Variants in AEBP2 observed in about 807,000 individuals in gnomAD.
AEBP2 encodes the protein AE binding protein 2, also known as zinc finger protein AEBP2.
AEBP2 carries 10 observed loss-of-function variants against 50.8 expected under a neutral mutation model. The observed-to-expected ratio is 0.20, with a 90% CI of 0.12 to 0.33. The LOEUF (loss-of-function observed/expected upper bound fraction) is 0.33, where lower values mean the gene tolerates loss of function less well. Among genes scored for constraint, AEBP2 ranks in the 10% least tolerant of loss-of-function variants. AEBP2 has a pLI of 1.00. For missense variants in AEBP2, 570 were observed against 688.0 expected (o/e 0.83, Z 1.92); for synonymous variants, 296 against 261.3 (o/e 1.13, Z -1.28).
chr12:19,456,409 G>T, intron 1 of AEBP2: 3 of 1,383,068 alleles, frequency 2.2e-6, no homozygotes, highest in Non-Finnish European at 2.0e-6. Context: ...ACACACACGG[G>T]CTTGCCAGGA....
upstream of AEBP2, among the ~76,000 whole-genome samples, chr12:19,437,082 T>C (rs369631050): frequency 1.6e-4 from 25 of 152,352 alleles, no homozygotes; most frequent in East Asian, 1.7e-3. Flanking sequence ...GCCTTCTCAT[T>C]TGAAGACTCT....
At chr12:19,418,019 A>T (rs999956523) in intron 1 of AEBP2, among the ~76,000 whole-genome samples, 6 of 152,084 alleles carry the variant, frequency 3.9e-5, no homozygotes, top group African/African-American at 1.4e-4. Context: ...CTCTATTAAC[A>T]CAACTAGATC....
At chr12:19,440,749 T>G in intron 1 of AEBP2, 1 of 1,533,586 alleles carries the variant, frequency 6.5e-7, no homozygotes, top group Non-Finnish European at 8.7e-7. Flanking sequence ...CCAACCGTGT[T>G]CGGGAACACT....
intron 5 of AEBP2, among the ~76,000 whole-genome samples, chr12:19,505,919 G>C (rs1356004796): frequency 6.6e-6 from 1 of 151,558 alleles, no homozygotes; most frequent in Non-Finnish European, 1.5e-5. Flanking sequence ...TGGTCTGTAG[G>C]AGCACACCAC....
In AEBP2 at chr12:19,420,791, G is replaced by C. The variant is rs192382173; in HGVS notation, c.-17+16575G>C. ...TGATTGACCTTCCTGGCAAAATGCTGACACTGGGGCAATCCAGTAACCCTG... is the reference window on the plus strand; with the variant it reads ...TGATTGACCTTCCTGGCAAAATGCTCACACTGGGGCAATCCAGTAACCCTG... On this transcript the variant is annotated intron_variant, in intron 1 of 3. Transcript: ENST00000538425. Among the ~76,000 whole-genome samples, 9 of 152,092 alleles carry C rather than the reference G, an allele frequency of 5.9e-5. 1 individual carries two copies. The highest frequency in any genetic ancestry group is 5.3e-4 in the Admixed American group (8 of 15,234).
intron 1 of AEBP2, among the ~76,000 whole-genome samples, chr12:19,440,900 C>A (rs1403187579): frequency 2.0e-5 from 3 of 152,228 alleles, no homozygotes; most frequent in Non-Finnish European, 2.9e-5. Context: ...TATATTAAAT[C>A]ATTGCCTCCC....
intron 7 of AEBP2, 89 bp from the exon 8 acceptor site, chr12:19,517,998 G>A: frequency 8.3e-7 from 1 of 1,201,994 alleles, no homozygotes; most frequent in South Asian, 1.6e-5. Flanking sequence ...CACATTGCCT[G>A]TATCTTATTA....
At chr12:19,474,517 A>G (rs1421641253) in intron 3 of AEBP2, among the ~76,000 whole-genome samples, 1 of 152,054 alleles carries the variant, frequency 6.6e-6, no homozygotes, top group Non-Finnish European at 1.5e-5. Flanking sequence ...TATAATTATT[A>G]TTTGTTTCTT....
At chr12:19,434,175 ATTT>A (rs1325645174) in intron 1 of AEBP2, among the ~76,000 whole-genome samples, 1 of 137,594 alleles carries the variant, frequency 7.3e-6, no homozygotes, top group Non-Finnish European at 1.6e-5. Context: ...TAGATTAGTA[ATTT>A]TTTTTTTTTT....
intron 1 of AEBP2, among the ~76,000 whole-genome samples, chr12:19,407,925 C>T (rs1176506289): frequency 6.6e-6 from 1 of 151,942 alleles, no homozygotes; most frequent in Non-Finnish European, 1.5e-5. Context: ...GTGGTGCATG[C>T]CTGTAATCCC....
chr12:19,449,258 T>A (rs1948126149), intron 1 of AEBP2, among the ~76,000 whole-genome samples: 1 of 152,202 alleles, frequency 6.6e-6, no homozygotes, highest in African/African-American at 2.4e-5. Context: ...TTCTTCATAG[T>A]GGATTTCTTT....
chr12:19,510,341 C>G (rs1021373067), intron 5 of AEBP2, among the ~76,000 whole-genome samples: 5 of 152,066 alleles, frequency 3.3e-5, no homozygotes, highest in Admixed American at 3.3e-4. Context: ...AGACTTTTCA[C>G]CCATTATTGG....
chr12:19,443,346 C>T (rs1414105649), intron 1 of AEBP2, among the ~76,000 whole-genome samples: 1 of 151,846 alleles, frequency 6.6e-6, no homozygotes, highest in Non-Finnish European at 1.5e-5. Flanking sequence ...ATCCTCCCAC[C>T]TGGGTCTTCC....
Position 19,494,399 on chromosome 12 carries a change from A to G in AEBP2, c.1174+413A>G, listed in dbSNP as rs367748799. On this transcript the variant is annotated intron_variant, in intron 4 of 7. Transcript: ENST00000266508. Reference sequence around the variant, plus strand: ...TGCAGTGAGCCGTGATCGCGCCACCACACTTGAACCTGGGAGACAGAGTGA... The same window carrying G: ...TGCAGTGAGCCGTGATCGCGCCACCGCACTTGAACCTGGGAGACAGAGTGA... Among the ~76,000 whole-genome samples, 257 of 151,590 alleles carry G rather than the reference A, an allele frequency of 1.7e-3. 5 individuals carry two copies. In the South Asian group the frequency reaches 0.052, roughly 31 times the overall value.
intron 3 of AEBP2, among the ~76,000 whole-genome samples, chr12:19,481,092 C>CTTTTTTTTT (rs71067027): frequency 6.8e-5 from 5 of 74,054 alleles, no homozygotes; most frequent in African/African-American, 1.1e-4. Context: ...GCAGTGCATC[C>CTTTTTTTTT]TTTTTTTTTT....
At chr12:19,434,973 C>T (rs558371077), upstream of AEBP2, among the ~76,000 whole-genome samples, 38 of 152,234 alleles carry the variant, frequency 2.5e-4, no homozygotes, top group South Asian at 7.7e-3. Context: ...TGTCTAATCT[C>T]CATTCACTTT....
intron 1 of AEBP2, chr12:19,457,420 A>G: frequency 6.7e-7 from 1 of 1,497,506 alleles, no homozygotes; most frequent in Non-Finnish European, 9.1e-7. Flanking sequence ...AATTTCCACA[A>G]GGAGGTATTA....
intron 1 of AEBP2, among the ~76,000 whole-genome samples, chr12:19,451,523 CTG>C (rs1347368474): frequency 6.6e-6 from 1 of 152,138 alleles, no homozygotes; most frequent in African/African-American, 2.4e-5. Context: ...CAGGCTGAAA[CTG>C]TGTTCCCTTT....
At chr12:19,454,764 C>G (rs12809305) in intron 1 of AEBP2, among the ~76,000 whole-genome samples, 18,277 of 151,994 alleles carry the variant, frequency 0.12, 1,311 homozygotes, top group Middle Eastern at 0.18. Flanking sequence ...ACCAAAGATA[C>G]GGCAGGTGGG....
Sources: allele counts gnomAD v4.1 joint callset (sites outside exome capture counted in the v4.1 genomes callset), GRCh38; gene constraint gnomAD v4.1.1; transcripts MANE v1.5; gene names NCBI Gene and HGNC (gene_info 2026-07-23, HGNC 2026-07-21).